The following CALN1 variants were observed in gnomAD, a reference collection of about 807,000 sequenced individuals.
CALN1 encodes the protein calcium-binding protein 8.
A neutral mutation model predicts 30.6 loss-of-function variants in CALN1; 17 were observed. The ratio of observed to expected loss-of-function variants is 0.56; its 90% CI spans 0.38 to 0.83. The LOEUF (loss-of-function observed/expected upper bound fraction) is 0.83, where lower values mean the gene tolerates loss of function less well. Ranked by LOEUF, CALN1 falls within the 40% of genes least tolerant of loss-of-function variation. CALN1 has a pLI of 0.00. For missense variants in CALN1, 291 were observed against 354.9 expected (o/e 0.82, Z 1.45); for synonymous variants, 156 against 131.4 (o/e 1.19, Z -1.28).
Position 71,784,823 on chromosome 7 carries a change from CT to C in CALN1, c.*2951del. On this transcript the variant is annotated 3_prime_UTR_variant, in exon 7 of 7. Transcript: ENST00000395275. ...TTCCAGCTGGGGCTACATGGCATCC[CT>C]TGGGCATGGGAGACCAGGACCTTCT... is the stretch of plus-strand genomic sequence containing the variant. 1 of 398,676 alleles carries C rather than the reference CT, an allele frequency of 2.5e-6. No homozygotes were observed. The highest frequency in any genetic ancestry group is 4.4e-6 in the Non-Finnish European group (1 of 226,130). The allele number at this position is 398,676 out of a possible 1,614,324, so 24.7% of individuals were successfully genotyped here.
At chr7:71,866,152 C>T (rs1308479158) in intron 5 of CALN1, among the ~76,000 whole-genome samples, 9 of 151,784 alleles carry the variant, frequency 5.9e-5, no homozygotes, top group Admixed American at 3.3e-4. Flanking sequence ...ACTGCAGGCA[C>T]GTGCCACCAC....
At chr7:71,845,961 G>A (rs1056959374) in intron 5 of CALN1, among the ~76,000 whole-genome samples, 5 of 152,096 alleles carry the variant, frequency 3.3e-5, no homozygotes, top group Non-Finnish European at 7.4e-5. Context: ...GCTGAAGCAG[G>A]AGAATCACTT....
chr7:71,863,553 A>C (rs1791415750), intron 5 of CALN1, among the ~76,000 whole-genome samples: 1 of 108,212 alleles, frequency 9.2e-6, no homozygotes, highest in Non-Finnish European at 1.9e-5. Flanking sequence ...ACTAAACTCC[A>C]TCTCAAAAAA....
intron 4 of CALN1, among the ~76,000 whole-genome samples, chr7:72,042,392 G>A (rs118097641): frequency 6.6e-6 from 1 of 152,296 alleles, no homozygotes; most frequent in Non-Finnish European, 1.5e-5. Flanking sequence ...CCAGGCTCAA[G>A]ATTTCAGAAT....
At chr7:72,101,138 G>A (rs1373771938) in intron 4 of CALN1, among the ~76,000 whole-genome samples, 1 of 151,884 alleles carries the variant, frequency 6.6e-6, no homozygotes, top group Non-Finnish European at 1.5e-5. Context: ...TAATTGTTTT[G>A]TATTTTTAGT....
At chr7:72,276,593 AG>A (rs1273628516) in intron 3 of CALN1, among the ~76,000 whole-genome samples, 1 of 150,864 alleles carries the variant, frequency 6.6e-6, no homozygotes, top group Non-Finnish European at 1.5e-5. Flanking sequence ...TGACTATGAA[AG>A]ATCTGCCCTC....
Position 71,976,499 on chromosome 7 carries a change from C to G in CALN1, c.501+47158G>C, listed in dbSNP as rs545729145. 3.3e-5 allele frequency among the ~76,000 whole-genome samples: 5 copies of G among 152,304 alleles called. No individual in the cohort carries two copies. The South Asian group carries it at 1.0e-3, about 32-fold the overall frequency. Reference sequence around the variant, plus strand: ...GCCTCTACAGACTCTTGCACGGAACCCTAGCCTAGGTTCTGTCCAGAGACA... The same window carrying G: ...GCCTCTACAGACTCTTGCACGGAACGCTAGCCTAGGTTCTGTCCAGAGACA... On this transcript the variant is annotated intron_variant, in intron 5 of 6. Transcript: ENST00000395275.
chr7:72,491,483 C>T, the CALN1 span, among the ~76,000 whole-genome samples: 6 of 152,054 alleles, frequency 3.9e-5, no homozygotes, highest in East Asian at 1.9e-4. Flanking sequence ...GCAGGAGAAT[C>T]GCTTGAGCCC....
At chr7:72,063,554 G>GT (rs1473506808) in intron 4 of CALN1, among the ~76,000 whole-genome samples, 1 of 152,162 alleles carries the variant, frequency 6.6e-6, no homozygotes, top group African/African-American at 2.4e-5. Flanking sequence ...CCAGCCAAGA[G>GT]CTCATCTTAT....
intron 3 of CALN1, among the ~76,000 whole-genome samples, chr7:72,169,915 ACTC>A (rs1274651337): frequency 1.3e-5 from 2 of 151,368 alleles, no homozygotes; most frequent in Non-Finnish European, 1.5e-5. Flanking sequence ...CTGGTCTTGA[ACTC>A]CTGACCTCAG....
intron 5 of CALN1, among the ~76,000 whole-genome samples, chr7:71,818,220 G>C (rs1788380842): frequency 6.6e-6 from 1 of 152,034 alleles, no homozygotes; most frequent in Admixed American, 6.6e-5. Context: ...GGGCTTTCTG[G>C]AGAACATGCC....
At chr7:71,937,843 A>T (rs567471676) in intron 5 of CALN1, among the ~76,000 whole-genome samples, 3 of 152,320 alleles carry the variant, frequency 2.0e-5, no homozygotes, top group East Asian at 3.9e-4. Flanking sequence ...AAGGAAAAAT[A>T]AAAAAAGCAA....
chr7:71,986,805 T>C (rs988402122), intron 5 of CALN1, among the ~76,000 whole-genome samples: 18 of 152,200 alleles, frequency 1.2e-4, no homozygotes, highest in Admixed American at 2.0e-4. Flanking sequence ...CTCTGTACTT[T>C]GTTGTAGGAG....
rs116688320 is a variant in CALN1 at position 72,187,556 on chromosome 7, G to T, written c.245-81262C>A. ...GATCTAGGTTGCGTGTTCCTTATGA[G>T]AATCTAATGCCTAATGATCCAAGGT... On this transcript the variant is annotated intron_variant, in intron 3 of 6. Coordinates refer to ENST00000395275, the MANE Select transcript of CALN1 (RefSeq NM_031468.4). Among the ~76,000 whole-genome samples, 495 of 152,234 alleles carry T rather than the reference G, an allele frequency of 3.3e-3. 3 individuals carry two copies. Among genetic ancestry groups the T allele is most frequent in the African/African-American group, 0.011 (473 of 41,540 alleles).
At position 71,817,918 on chromosome 7, in the gene CALN1, C is replaced by T. The variant is rs182268169; in HGVS notation, c.502-7426G>A. 3.3e-5 allele frequency among the ~76,000 whole-genome samples: 5 copies of T among 151,780 alleles called. 1 individual carries two copies. Among genetic ancestry groups the T allele is most frequent in the Non-Finnish European group, 2.9e-5 (2 of 67,962 alleles). On this transcript the variant is annotated intron_variant, in intron 5 of 6. Transcript: ENST00000395275. ...TACTGGAGTCAAGGACCATGAGTAG[C>T]ATATTGAAGTCTGTGAAGAAAACTT...
At chr7:72,338,405 A>G (rs1802198608) in intron 2 of CALN1, among the ~76,000 whole-genome samples, 1 of 150,036 alleles carries the variant, frequency 6.7e-6, no homozygotes, top group African/African-American at 2.5e-5. Context: ...CAACTCAGCA[A>G]TCACCTCTCC....
chr7:72,396,258 G>GAAAGAAAGAAAGAAAGAA (rs148921743), intron 2 of CALN1, among the ~76,000 whole-genome samples: 2 of 109,702 alleles, frequency 1.8e-5, no homozygotes, highest in African/African-American at 7.5e-5. Context: ...AAAAAAAAAA[G>GAAAGAAAGAAAGAAAGAA]AAAGAAAAAG....
chr7:71,844,670 T>A (rs1790126956), intron 5 of CALN1, among the ~76,000 whole-genome samples: 1 of 151,986 alleles, frequency 6.6e-6, no homozygotes. Flanking sequence ...TAACACTTAG[T>A]GGAAAGGGCA....
At chr7:71,935,633 G>C (rs961718071) in intron 5 of CALN1, among the ~76,000 whole-genome samples, 2 of 152,208 alleles carry the variant, frequency 1.3e-5, no homozygotes, top group Non-Finnish European at 2.9e-5. Flanking sequence ...TGAGGAAGGA[G>C]AATCGCTTGA....
Sources: allele counts gnomAD v4.1 joint callset (sites outside exome capture counted in the v4.1 genomes callset), GRCh38; gene constraint gnomAD v4.1.1; transcripts MANE v1.5; gene names NCBI Gene and HGNC (gene_info 2026-07-23, HGNC 2026-07-21).